The following MALRD1 variants were observed in gnomAD, a reference collection of about 807,000 sequenced individuals.
The protein encoded by MALRD1 is MAM and LDL-receptor class A domain-containing protein 1.
A neutral mutation model predicts 242.1 loss-of-function variants in MALRD1; 247 were observed. The observed-to-expected ratio is 1.02, with a 90% confidence interval of 0.92 to 1.13. The LOEUF (loss-of-function observed/expected upper bound fraction) is 1.13, where lower values mean the gene tolerates loss of function less well. Ranked by LOEUF, MALRD1 falls within the 50% of genes most tolerant of loss-of-function variation. The pLI is 0.00. For synonymous variants in MALRD1, 995 were observed against 866.6 expected (o/e 1.15, Z -2.60); for missense variants, 2,989 against 2,533.1 (o/e 1.18, Z -3.86).
At chr10:19,404,927 T>G (rs1252606973) in intron 28 of MALRD1, among the ~76,000 whole-genome samples, 3 of 152,126 alleles carry the variant, frequency 2.0e-5, no homozygotes, top group African/African-American at 4.8e-5. Context: ...AGAAAGCAAA[T>G]GTACTAGTTG....
rs879358422 is a variant in MALRD1 at position 19,616,905 on chromosome 10, C to T, written c.6137+982C>T. Among the ~76,000 whole-genome samples, 25 of 151,950 alleles carry T rather than the reference C, an allele frequency of 1.6e-4. 1 individual carries two copies. Among genetic ancestry groups the T allele is most frequent in the Admixed American group, 1.6e-3 (25 of 15,218 alleles). ...TTTCAATACTTTACATAATTTATTT[C>T]TCAACATGTCAACAAAATTATACTT... is the stretch of plus-strand genomic sequence containing the variant. On this transcript the variant is annotated intron_variant, in intron 36 of 39. Coordinates refer to ENST00000454679, the MANE Select transcript of MALRD1 (RefSeq NM_001142308.3).
chr10:19,293,682 C>T (rs1182235313), intron 21 of MALRD1, among the ~76,000 whole-genome samples: 1 of 152,048 alleles, frequency 6.6e-6, no homozygotes, highest in African/African-American at 2.4e-5. Flanking sequence ...TATGCTCTCA[C>T]TTATAAGTGG....
At chr10:19,226,350 C>CA (rs1434988333) in intron 18 of MALRD1, among the ~76,000 whole-genome samples, 2 of 152,028 alleles carry the variant, frequency 1.3e-5, no homozygotes, top group African/African-American at 4.8e-5. Flanking sequence ...TATGTGTTTA[C>CA]AAAAAATCTA....
chr10:19,260,524 A>G (rs1016131040), intron 19 of MALRD1, among the ~76,000 whole-genome samples: 3 of 152,108 alleles, frequency 2.0e-5, no homozygotes, highest in East Asian at 1.9e-4. Context: ...GATCCTAACA[A>G]TGGGGCAGAG....
chr10:19,265,479 C>T (rs933507139), intron 19 of MALRD1, among the ~76,000 whole-genome samples: 1 of 151,652 alleles, frequency 6.6e-6, no homozygotes, highest in African/African-American at 2.4e-5. Flanking sequence ...GTTCTTTGAC[C>T]TACTGGTTTT....
intron 28 of MALRD1, among the ~76,000 whole-genome samples, chr10:19,393,692 G>A (rs948337111): frequency 1.0e-4 from 15 of 150,376 alleles, no homozygotes; most frequent in Non-Finnish European, 1.6e-4. Context: ...GCCTGACCTC[G>A]TGATCTGCCC....
chr10:19,238,466 A>G (rs1165724068), intron 18 of MALRD1, among the ~76,000 whole-genome samples: 5 of 46,496 alleles, frequency 1.1e-4, no homozygotes, highest in African/African-American at 3.5e-4. Flanking sequence ...AATATATAAT[A>G]TAATATATAA....
chr10:19,317,709 A>T (rs1488263772), intron 21 of MALRD1, among the ~76,000 whole-genome samples: 1 of 151,972 alleles, frequency 6.6e-6, no homozygotes, highest in African/African-American at 2.4e-5. Flanking sequence ...GAATTAGAGT[A>T]ACTACTCAGG....
At chr10:19,210,478 T>C (rs1837002024) in intron 18 of MALRD1, among the ~76,000 whole-genome samples, 2 of 152,204 alleles carry the variant, frequency 1.3e-5, no homozygotes, top group Non-Finnish European at 2.9e-5. Flanking sequence ...TCATAGAGCC[T>C]ATAACATGCA....
At chr10:19,477,488 A>C (rs1836792160) in intron 29 of MALRD1, among the ~76,000 whole-genome samples, 1 of 152,042 alleles carries the variant, frequency 6.6e-6, no homozygotes, top group South Asian at 2.1e-4. Context: ...AAATAAATAA[A>C]CACAATAATT....
chr10:19,380,227 G>A (rs1230034314), intron 26 of MALRD1, among the ~76,000 whole-genome samples: 2 of 150,392 alleles, frequency 1.3e-5, no homozygotes, highest in Admixed American at 1.3e-4. Flanking sequence ...CACCTGCCTT[G>A]GCCTCCCAAA....
intron 18 of MALRD1, among the ~76,000 whole-genome samples, chr10:19,228,765 T>A (rs1306508077): frequency 6.6e-6 from 1 of 152,142 alleles, no homozygotes. Flanking sequence ...TGTCTAAAAA[T>A]CTCAGCATGC....
chr10:19,528,436 T>C (rs1834195750), intron 31 of MALRD1, among the ~76,000 whole-genome samples: 1 of 151,858 alleles, frequency 6.6e-6, no homozygotes, highest in Non-Finnish European at 1.5e-5. Context: ...CTACCAAAAA[T>C]ACAAAAATTA....
At chr10:19,649,737 C>A (rs1009919636) in intron 36 of MALRD1, among the ~76,000 whole-genome samples, 8 of 152,044 alleles carry the variant, frequency 5.3e-5, no homozygotes, top group African/African-American at 1.9e-4. Context: ...AGTTTAGATA[C>A]CATTGGTCAA....
chr10:19,415,790 C>T (rs185160580), intron 28 of MALRD1, among the ~76,000 whole-genome samples: 41 of 152,248 alleles, frequency 2.7e-4, no homozygotes, highest in African/African-American at 8.9e-4. Flanking sequence ...CTTTGTAATA[C>T]TGCCAATAGA....
At chr10:19,584,107 T>G (rs1490487534) in intron 33 of MALRD1, among the ~76,000 whole-genome samples, 7 of 150,810 alleles carry the variant, frequency 4.6e-5, no homozygotes, top group African/African-American at 1.7e-4. Flanking sequence ...TATTTGATTC[T>G]TCTCTCTTTT....
At chr10:19,507,867 GA>G (rs1254265234) in intron 31 of MALRD1, among the ~76,000 whole-genome samples, 1 of 152,044 alleles carries the variant, frequency 6.6e-6, no homozygotes, top group African/African-American at 2.4e-5. Context: ...TTGGCATGAT[GA>G]AAAAAATGTT....
intron 35 of MALRD1, among the ~76,000 whole-genome samples, chr10:19,610,310 CA>C (rs1228866802): frequency 1.3e-5 from 2 of 151,798 alleles, no homozygotes; most frequent in Non-Finnish European, 2.9e-5. Context: ...AGTAGAACAC[CA>C]AAACTTATTC....
chr10:19,301,339 A>G (rs1296966288), intron 21 of MALRD1, among the ~76,000 whole-genome samples: 2 of 151,824 alleles, frequency 1.3e-5, no homozygotes, highest in African/African-American at 2.4e-5. Context: ...TTACCATTCA[A>G]TCCAGCAATC....
Sources: allele counts gnomAD v4.1 joint callset (sites outside exome capture counted in the v4.1 genomes callset), GRCh38; gene constraint gnomAD v4.1.1; transcripts MANE v1.5; gene names NCBI Gene and HGNC (gene_info 2026-07-23, HGNC 2026-07-21).